The following CDK14 variants were observed in gnomAD, a reference collection of about 807,000 sequenced individuals.
CDK14 encodes the protein cyclin-dependent kinase 14.
Under a neutral mutation model 60.7 loss-of-function variants are expected in CDK14, and 34 were observed. That is an observed-to-expected ratio of 0.56 (90% CI 0.43 to 0.75). The LOEUF is 0.75. Ranked by LOEUF, CDK14 falls within the 30% of genes least tolerant of loss-of-function variation. CDK14 has a pLI of 0.00. For missense variants in CDK14, 482 were observed against 564.1 expected (o/e 0.85, Z 1.47); for synonymous variants, 197 against 203.7 (o/e 0.97, Z 0.28).
At chr7:90,826,963 G>GTGTT (rs2117095972) in intron 5 of CDK14, among the ~76,000 whole-genome samples, 1 of 19,282 alleles carries the variant, frequency 5.2e-5, no homozygotes, top group South Asian at 1.8e-3. Flanking sequence ...AGTGCATGAT[G>GTGTT]TATTTACATA....
chr7:90,940,561 G>A (rs1793892083), intron 8 of CDK14, among the ~76,000 whole-genome samples: 1 of 152,064 alleles, frequency 6.6e-6, no homozygotes, highest in Non-Finnish European at 1.5e-5. Context: ...TGAGGCAGGT[G>A]GATCACTTGA....
chr7:91,040,355 T>C (rs780032933), intron 10 of CDK14, among the ~76,000 whole-genome samples: 1 of 152,188 alleles, frequency 6.6e-6, no homozygotes. Context: ...TGTATAATAT[T>C]GCAGCTGAGT....
chr7:91,011,345 TTGAA>T (rs2115817215), intron 10 of CDK14, among the ~76,000 whole-genome samples: 1 of 152,198 alleles, frequency 6.6e-6, no homozygotes, highest in African/African-American at 2.4e-5. Context: ...GGCTAAATAA[TTGAA>T]TGAATGAAGA....
intron 14 of CDK14, among the ~76,000 whole-genome samples, chr7:91,165,119 C>T (rs1801306526): frequency 6.6e-6 from 1 of 152,158 alleles, no homozygotes; most frequent in Non-Finnish European, 1.5e-5. Flanking sequence ...AACAAAAACC[C>T]ACGCTCTAAT....
At chr7:90,814,715 G>A (rs1789279915) in intron 5 of CDK14, among the ~76,000 whole-genome samples, 1 of 152,212 alleles carries the variant, frequency 6.6e-6, no homozygotes, top group South Asian at 2.1e-4. Flanking sequence ...GGTGGAGGTT[G>A]CAGTGAGCCG....
intron 11 of CDK14, among the ~76,000 whole-genome samples, chr7:91,062,329 C>T (rs1002890862): frequency 6.6e-5 from 10 of 152,126 alleles, no homozygotes; most frequent in African/African-American, 1.9e-4. Context: ...AAGGGAATTC[C>T]CTGACCCCTT....
At chr7:91,048,656 G>C (rs1013161280) in intron 11 of CDK14, among the ~76,000 whole-genome samples, 3 of 152,192 alleles carry the variant, frequency 2.0e-5, no homozygotes, top group East Asian at 3.9e-4. Flanking sequence ...TCCCACAGCT[G>C]CTTCTCCTCT....
At chr7:91,026,488 A>C (rs1359908109) in intron 10 of CDK14, among the ~76,000 whole-genome samples, 1 of 152,244 alleles carries the variant, frequency 6.6e-6, no homozygotes, top group Non-Finnish European at 1.5e-5. Context: ...AGAGATACTC[A>C]CTGTTAGCCC....
At chr7:90,951,496 A>G (rs1275178869) in intron 8 of CDK14, among the ~76,000 whole-genome samples, 1 of 152,204 alleles carries the variant, frequency 6.6e-6, no homozygotes, top group Non-Finnish European at 1.5e-5. Context: ...CAGTGTTGCC[A>G]CTTCCTTCTC....
chr7:91,037,806 T>G (rs558078580), intron 10 of CDK14, among the ~76,000 whole-genome samples: 14 of 152,258 alleles, frequency 9.2e-5, no homozygotes, highest in African/African-American at 3.1e-4. Flanking sequence ...CGCTCTTCTC[T>G]GAATTCAGGA....
chr7:91,131,121 C>G (rs1355325093), intron 14 of CDK14, among the ~76,000 whole-genome samples: 1 of 150,938 alleles, frequency 6.6e-6, no homozygotes, highest in Non-Finnish European at 1.5e-5. Context: ...TTTTTGAACT[C>G]TATTTTGAAG....
At chr7:90,928,999 G>A (rs972746083) in intron 8 of CDK14, among the ~76,000 whole-genome samples, 18 of 152,254 alleles carry the variant, frequency 1.2e-4, no homozygotes, top group Non-Finnish European at 1.9e-4. Context: ...GCAAGGCTCT[G>A]TGGGCATGGG....
intron 14 of CDK14, among the ~76,000 whole-genome samples, chr7:91,173,811 C>A (rs1801618477): frequency 6.6e-6 from 1 of 152,184 alleles, no homozygotes; most frequent in Non-Finnish European, 1.5e-5. Flanking sequence ...GTCCTACGCC[C>A]ACGGAGTCTC....
At chr7:90,930,597 A>AT (rs1470963181) in intron 8 of CDK14, among the ~76,000 whole-genome samples, 1 of 92,908 alleles carries the variant, frequency 1.1e-5, no homozygotes, top group Non-Finnish European at 2.0e-5. Flanking sequence ...GGGCATTCTT[A>AT]TTTTTGAACA....
chr7:90,897,063 T>C (rs1792359960), intron 6 of CDK14, among the ~76,000 whole-genome samples: 1 of 152,152 alleles, frequency 6.6e-6, no homozygotes. Flanking sequence ...CCTTCAAGAT[T>C]TTGTGAAATT....
chr7:91,093,972 A>T (rs768967542), intron 12 of CDK14, among the ~76,000 whole-genome samples: 1 of 152,138 alleles, frequency 6.6e-6, no homozygotes, highest in Non-Finnish European at 1.5e-5. Flanking sequence ...GGAGCTAAAC[A>T]TTGAGTATTC....
intron 4 of CDK14, among the ~76,000 whole-genome samples, chr7:90,748,756 TA>T (rs959635656): frequency 6.6e-6 from 1 of 152,044 alleles, no homozygotes; most frequent in Non-Finnish European, 1.5e-5. Context: ...CTATTTTTTT[TA>T]AAAAACTCTT....
At chr7:91,004,629 A>G (rs1035039618) in intron 10 of CDK14, among the ~76,000 whole-genome samples, 1 of 152,210 alleles carries the variant, frequency 6.6e-6, no homozygotes, top group Non-Finnish European at 1.5e-5. Flanking sequence ...GGTAAGTTGG[A>G]TGACTTGGAA....
chr7:91,088,745 C>T (rs1249491982), intron 12 of CDK14, among the ~76,000 whole-genome samples: 1 of 152,130 alleles, frequency 6.6e-6, no homozygotes, highest in African/African-American at 2.4e-5. Flanking sequence ...TCCCTCAAGA[C>T]TTGATATACA....
Sources: gnomAD v4.1 joint callset for allele counts (sites outside exome capture counted in the v4.1 genomes callset) on GRCh38, gnomAD v4.1.1 for gene constraint, MANE v1.5 for transcripts, NCBI Gene and HGNC (gene_info 2026-07-23, HGNC 2026-07-21) for gene names.